CSMD2: variants seen among roughly 807,000 people sequenced by gnomAD.
CSMD2 encodes CUB and sushi domain-containing protein 2.
In CSMD2, 130 loss-of-function variants were observed where a neutral mutation model predicts 398.5. The ratio of observed to expected loss-of-function variants is 0.33; its 90% CI spans 0.28 to 0.38. CSMD2 has a LOEUF of 0.38. CSMD2 is among the 10% of genes least tolerant of loss of function. The pLI is 1.00. For missense variants in CSMD2, 3,829 were observed against 4,764.9 expected (o/e 0.80, Z 5.78); for synonymous variants, 1,828 against 1,908.5 (o/e 0.96, Z 1.10).
chr1:33,609,592 T>C (rs554389857), intron 41 of CSMD2, among the ~76,000 whole-genome samples: 24 of 152,294 alleles, frequency 1.6e-4, no homozygotes, highest in African/African-American at 5.5e-4. Flanking sequence ...TGGCCTTACT[T>C]GTAAGGTTTT....
In CSMD2 at chr1:33,658,054, T is replaced by C; in HGVS notation, c.4339A>G (p.Thr1447Ala). Residue 1447 changes from threonine (T) to alanine (A), a missense_variant, in exon 27 of 71, where the codon ACA (threonine) becomes GCA (alanine). Transcript: ENST00000373381. ...SGDSWEAGDSTVFQCDPGYAL... is the reference protein window; with the variant it reads ...SGDSWEAGDSAVFQCDPGYAL... Reference sequence around the variant, plus strand: ...TAGCCAGGGTCACACTGGAACACTGTGGAGTCGCCGGCTTCCCAACTGTCA... The same window carrying C: ...TAGCCAGGGTCACACTGGAACACTGCGGAGTCGCCGGCTTCCCAACTGTCA... 1 of 1,614,222 alleles carries C rather than the reference T, an allele frequency of 6.2e-7. No individual in the cohort carries two copies. Among genetic ancestry groups the C allele is most frequent in the Non-Finnish European group, 8.5e-7 (1 of 1,180,032 alleles).
intron 21 of CSMD2, chr1:33,709,494 G>A (rs550500148): frequency 3.6e-4 from 189 of 522,126 alleles, no homozygotes; most frequent in Non-Finnish European, 3.8e-4. Flanking sequence ...TGTGCTGTTT[G>A]TCTGTCTCTC....
At chr1:33,614,073 T>C (rs913515659) in intron 40 of CSMD2, among the ~76,000 whole-genome samples, 15 of 152,216 alleles carry the variant, frequency 9.9e-5, no homozygotes, top group Non-Finnish European at 1.9e-4. Flanking sequence ...ATTAGGATGA[T>C]AAATTAGACA....
chr1:33,925,240 G>A (rs1644085673), intron 4 of CSMD2, among the ~76,000 whole-genome samples: 2 of 152,012 alleles, frequency 1.3e-5, no homozygotes, highest in African/African-American at 2.4e-5. Context: ...GGTGAGAGAT[G>A]GGTGTTTAGT....
chr1:33,599,086 G>C (rs1640034325), intron 44 of CSMD2: 1 of 152,212 alleles, frequency 6.6e-6, no homozygotes, highest in South Asian at 2.1e-4. Flanking sequence ...TCACCTTGGG[G>C]GTTAGGATGT....
Position 33,519,572 on chromosome 1 carries a change from G to A in CSMD2, c.10842C>T (p.Asp3614=), listed in dbSNP as rs1188335594. 2 of 1,614,120 alleles carry A rather than the reference G, an allele frequency of 1.2e-6. No individual in the cohort carries two copies. Among genetic ancestry groups the A allele is most frequent in the Admixed American group, 1.7e-5 (1 of 60,020 alleles). ...PMYDRNIQPT[D]IMASEAEFTV... ...TGAACTCCGCCTCGCTGGCCATGATGTCTGTGGGCTGGATGTTGCGGTCGT... is the reference window on the plus strand; with the variant it reads ...TGAACTCCGCCTCGCTGGCCATGATATCTGTGGGCTGGATGTTGCGGTCGT... Residue 3614 remains aspartate, a synonymous_variant, in exon 70 of 71, where the codon GAC becomes GAT. Coordinates refer to ENST00000373381, the MANE Select transcript of CSMD2 (RefSeq NM_001281956.2). The surrounding 1 kb of genome is among the most constrained non-coding windows in gnomAD (Gnocchi z 5.6).
chr1:34,127,132 G>A (rs1395626280), intron 1 of CSMD2, among the ~76,000 whole-genome samples: 6 of 152,118 alleles, frequency 3.9e-5, no homozygotes, highest in Non-Finnish European at 7.3e-5. Flanking sequence ...ATGACCCAGA[G>A]TGAGACACCA....
intron 5 of CSMD2, among the ~76,000 whole-genome samples, chr1:33,866,468 G>A (rs1396460993): frequency 1.3e-5 from 2 of 152,212 alleles, no homozygotes; most frequent in Non-Finnish European, 2.9e-5. Flanking sequence ...AACTTTGTAG[G>A]CATGCTGGCA....
intron 5 of CSMD2, chr1:33,863,988 G>C (rs1183154751): frequency 1.8e-6 from 1 of 560,620 alleles, no homozygotes; most frequent in African/African-American, 1.9e-5. Context: ...GGCTGGGATT[G>C]GCTGGCTTGT....
chr1:33,970,367 T>G (rs1314117638), intron 3 of CSMD2, among the ~76,000 whole-genome samples: 1 of 152,110 alleles, frequency 6.6e-6, no homozygotes, highest in East Asian at 1.9e-4. Flanking sequence ...CAGGAATCCC[T>G]GTGTCCGCAA....
At chr1:33,538,620 C>T (rs984140134) in intron 60 of CSMD2, among the ~76,000 whole-genome samples, 7 of 152,198 alleles carry the variant, frequency 4.6e-5, no homozygotes, top group African/African-American at 1.2e-4. Context: ...GTTTAAGAAT[C>T]GATTGATGGG....
intron 5 of CSMD2, among the ~76,000 whole-genome samples, chr1:33,880,494 A>G (rs1641161421): frequency 6.6e-6 from 1 of 152,230 alleles, no homozygotes; most frequent in African/African-American, 2.4e-5. Flanking sequence ...GCTAATGTGT[A>G]GTCGGTATGG....
At chr1:34,067,474 A>C (rs995755774) in intron 2 of CSMD2, among the ~76,000 whole-genome samples, 6 of 152,188 alleles carry the variant, frequency 3.9e-5, no homozygotes, top group Non-Finnish European at 7.3e-5. Flanking sequence ...CGGCTTGTAC[A>C]TAAGAAACCA....
chr1:33,898,898 GA>G (rs1642569080), intron 5 of CSMD2, among the ~76,000 whole-genome samples: 1 of 152,208 alleles, frequency 6.6e-6, no homozygotes, highest in South Asian at 2.1e-4. Context: ...GAGCTTGACA[GA>G]TTCCAATAAT....
rs16836005 is a variant in CSMD2 at position 33,864,018 on chromosome 1, C to T, written c.921-17022G>A. 64 of 610,438 alleles carry T rather than the reference C, an allele frequency of 1.0e-4. No homozygotes were observed. The East Asian group carries it at 1.6e-3, about 15-fold the overall frequency. 37.8% of individuals were successfully genotyped at this position (610,438 alleles called of 1,614,324 possible). A position where few individuals can be genotyped will look rare whatever the true frequency, so the allele number is the denominator to read the frequency against. On this transcript the variant is annotated intron_variant, in intron 5 of 70. Coordinates refer to ENST00000373381, the MANE Select transcript of CSMD2 (RefSeq NM_001281956.2). ...GCTTGTGGATGATGTCACAGTTTCC[C>T]TCCTCTGACTCAACAATGCCATCAG...
At chr1:33,908,085 C>CAAAAAAAAAAAAAAA (rs35932181) in intron 5 of CSMD2, among the ~76,000 whole-genome samples, 3 of 77,164 alleles carry the variant, frequency 3.9e-5, no homozygotes, top group African/African-American at 1.8e-4. Flanking sequence ...GACTCCATCT[C>CAAAAAAAAAAAAAAA]AAAAAAAAAA....
chr1:33,951,097 T>C (rs1644994631), intron 3 of CSMD2, among the ~76,000 whole-genome samples: 1 of 152,222 alleles, frequency 6.6e-6, no homozygotes, highest in Non-Finnish European at 1.5e-5. Context: ...CTGACTGACA[T>C]TGGCCAAGTC....
chr1:33,630,753 A>C (rs1032683229), intron 32 of CSMD2, among the ~76,000 whole-genome samples: 2 of 152,354 alleles, frequency 1.3e-5, no homozygotes, highest in East Asian at 3.9e-4. Flanking sequence ...ACAAAAGTTT[A>C]ATGCAATAAG....
Position 33,537,034 on chromosome 1 carries a change from A to C in CSMD2, c.9867T>G (p.Ser3289=). 1.2e-6 allele frequency: 2 copies of C among 1,614,174 alleles called. No homozygotes were observed. Among genetic ancestry groups the C allele is most frequent in the Non-Finnish European group, 1.7e-6 (2 of 1,180,028 alleles). Residue 3289 remains serine, a synonymous_variant, in exon 62 of 71, where the codon TCT becomes TCG. Coordinates refer to ENST00000373381, the MANE Select transcript of CSMD2 (RefSeq NM_001281956.2). The surrounding 1 kb of genome is among the most constrained non-coding windows in gnomAD (Gnocchi z 4.6). Reference sequence around the variant, plus strand: ...CTGACCTCCTTACCTGGTAGCCCTGAGAATTGTTCTGTATCCCAAACTGTG... The same window carrying C: ...CTGACCTCCTTACCTGGTAGCCCTGCGAATTGTTCTGTATCCCAAACTGTG... ...GVPQFGIQNN[S]QGYQVGSTVL...
Sources: allele counts gnomAD v4.1 joint callset (sites outside exome capture counted in the v4.1 genomes callset), GRCh38; gene constraint gnomAD v4.1.1; non-coding constraint Gnocchi (gnomAD v3.1); transcripts MANE v1.5; gene names NCBI Gene and HGNC (gene_info 2026-07-23, HGNC 2026-07-21).